The following AGBL1 variants were observed in gnomAD, a reference collection of about 807,000 sequenced individuals.
AGBL1 encodes cytosolic carboxypeptidase 4.
In AGBL1, 130 loss-of-function variants were observed where a neutral mutation model predicts 118.9. That is an observed-to-expected ratio of 1.09 (90% CI 0.95 to 1.26). The LOEUF (loss-of-function observed/expected upper bound fraction) is 1.26. Among genes scored for constraint, AGBL1 ranks in the 50% most tolerant of loss-of-function variants. The pLI is 0.00. For synonymous variants in AGBL1, 555 were observed against 478.9 expected (o/e 1.16, Z -2.08); for missense variants, 1,584 against 1,298.1 (o/e 1.22, Z -3.38).
At chr15:86,948,538 C>A (rs1156305493) in intron 23 of AGBL1, among the ~76,000 whole-genome samples, 2 of 152,122 alleles carry the variant, frequency 1.3e-5, no homozygotes, top group African/African-American at 4.8e-5. Flanking sequence ...TTTTTGACTG[C>A]CATAAGATTA....
chr15:86,623,654 A>G (rs945532070), intron 21 of AGBL1, among the ~76,000 whole-genome samples: 6 of 152,230 alleles, frequency 3.9e-5, no homozygotes, highest in African/African-American at 1.4e-4. Flanking sequence ...GAACCAGTAT[A>G]TGACAAGAGA....
chr15:86,302,804 A>G (rs919807212), intron 17 of AGBL1, among the ~76,000 whole-genome samples: 6 of 151,122 alleles, frequency 4.0e-5, no homozygotes, highest in Admixed American at 1.3e-4. Flanking sequence ...AAAAAAGTAA[A>G]TAGAAAATCT....
downstream of AGBL1, among the ~76,000 whole-genome samples, chr15:86,919,828 C>T (rs2080467107): frequency 1.3e-5 from 2 of 152,060 alleles, no homozygotes; most frequent in Non-Finnish European, 2.9e-5. Flanking sequence ...AGGATGTGTC[C>T]AGCCTGTAAA....
chr15:86,610,489 G>C (rs1019745474), intron 21 of AGBL1, among the ~76,000 whole-genome samples: 8 of 152,144 alleles, frequency 5.3e-5, no homozygotes, highest in African/African-American at 1.9e-4. Flanking sequence ...TACTTTGGGC[G>C]ACAGCTAAAA....
At chr15:86,708,833 A>G (rs2086502513) in intron 22 of AGBL1, among the ~76,000 whole-genome samples, 1 of 152,098 alleles carries the variant, frequency 6.6e-6, no homozygotes, top group Non-Finnish European at 1.5e-5. Flanking sequence ...GGTTCACAGC[A>G]TCTCCCTATA....
intron 19 of AGBL1, among the ~76,000 whole-genome samples, chr15:86,530,423 T>C (rs28865279): frequency 0.041 from 5,617 of 138,268 alleles, 425 homozygotes; most frequent in African/African-American, 0.16. Flanking sequence ...CCTAAATATA[T>C]ATGCACCCAA....
chr15:86,355,090 C>T (rs2080691948), intron 17 of AGBL1, among the ~76,000 whole-genome samples: 1 of 152,118 alleles, frequency 6.6e-6, no homozygotes, highest in African/African-American at 2.4e-5. Context: ...AAATAAGAGC[C>T]CAGGCCAGGT....
intron 18 of AGBL1, among the ~76,000 whole-genome samples, chr15:86,411,568 A>G (rs989468575): frequency 6.6e-6 from 1 of 152,118 alleles, no homozygotes; most frequent in African/African-American, 2.4e-5. Flanking sequence ...TTGAATTATT[A>G]GCCTTACTCC....
At chr15:86,354,221 G>C (rs2080677516) in intron 17 of AGBL1, among the ~76,000 whole-genome samples, 1 of 152,220 alleles carries the variant, frequency 6.6e-6, no homozygotes, top group Non-Finnish European at 1.5e-5. Context: ...TCCAAGGTAT[G>C]GTTCAGGTAG....
chr15:86,607,842 C>T (rs2447262), intron 21 of AGBL1, among the ~76,000 whole-genome samples: 75,029 of 151,908 alleles, frequency 0.49, 18,688 homozygotes, highest in East Asian at 0.73. Context: ...AGAGGAACAA[C>T]TGTTATGCAA....
In AGBL1 at chr15:86,687,342, A is replaced by G. The variant is rs77587906; in HGVS notation, c.3158+12906A>G. 1.7e-3 allele frequency among the ~76,000 whole-genome samples: 266 copies of G among 152,180 alleles called. 4 individuals are homozygous for G. The East Asian group carries it at 0.022, about 13-fold the overall frequency. Reference sequence around the variant, plus strand: ...TCACCTGTTTCTGTAGCCAACAACCAAGAAGAAGGTGTCTGGCTGAGGCTT... The same window carrying G: ...TCACCTGTTTCTGTAGCCAACAACCGAGAAGAAGGTGTCTGGCTGAGGCTT... On this transcript the variant is annotated intron_variant, in intron 22 of 22. Transcript: ENST00000614907.
At chr15:86,327,232 A>G (rs1424867880) in intron 17 of AGBL1, among the ~76,000 whole-genome samples, 2 of 152,196 alleles carry the variant, frequency 1.3e-5, no homozygotes, top group Non-Finnish European at 2.9e-5. Flanking sequence ...GTGCATGACA[A>G]GGGAGTGGCA....
chr15:86,242,943 A>G (rs915604279), intron 6 of AGBL1, among the ~76,000 whole-genome samples: 14 of 152,192 alleles, frequency 9.2e-5, no homozygotes, highest in Admixed American at 2.0e-4. Context: ...TTAGACCACA[A>G]ACATCTTTAT....
chr15:86,658,816 C>T (rs1251717818), intron 21 of AGBL1, among the ~76,000 whole-genome samples: 3 of 152,108 alleles, frequency 2.0e-5, no homozygotes, highest in Non-Finnish European at 4.4e-5. Flanking sequence ...AGGGAAAAAA[C>T]GTGGTCACAG....
chr15:86,399,307 G>C (rs1418536561), intron 18 of AGBL1, among the ~76,000 whole-genome samples: 1 of 152,134 alleles, frequency 6.6e-6, no homozygotes, highest in Non-Finnish European at 1.5e-5. Flanking sequence ...AGCAGCCAAA[G>C]ATTTTACTAG....
chr15:86,434,495 A>G (rs1596110376), intron 18 of AGBL1, among the ~76,000 whole-genome samples: 1 of 152,210 alleles, frequency 6.6e-6, no homozygotes, highest in Non-Finnish European at 1.5e-5. Flanking sequence ...TATTATATTT[A>G]TGGGATGCAC....
intron 4 of AGBL1, among the ~76,000 whole-genome samples, chr15:86,155,697 C>G (rs914357834): frequency 6.6e-6 from 1 of 151,848 alleles, no homozygotes; most frequent in Non-Finnish European, 1.5e-5. Flanking sequence ...GGGGAAAGAA[C>G]GTGGGCTTAG....
At chr15:86,491,865 G>A (rs1260475965) in intron 18 of AGBL1, among the ~76,000 whole-genome samples, 1 of 151,586 alleles carries the variant, frequency 6.6e-6, no homozygotes, top group East Asian at 1.9e-4. Context: ...TGTGTGGGGG[G>A]TGGGGGGCGT....
chr15:86,350,344 A>C (rs910702987), intron 17 of AGBL1, among the ~76,000 whole-genome samples: 1 of 152,248 alleles, frequency 6.6e-6, no homozygotes, highest in African/African-American at 2.4e-5. Flanking sequence ...AAAATGTATC[A>C]ACTGAACATG....
Sources: allele counts gnomAD v4.1 joint callset (sites outside exome capture counted in the v4.1 genomes callset), GRCh38; gene constraint gnomAD v4.1.1; transcripts MANE v1.5; gene names NCBI Gene and HGNC (gene_info 2026-07-23, HGNC 2026-07-21).